BRD4: variants seen among roughly 807,000 people sequenced by gnomAD.
The protein encoded by BRD4 is bromodomain-containing protein 4.
BRD4 carries 16 observed loss-of-function variants against 142.1 expected under a neutral mutation model. The observed-to-expected ratio is 0.11, with a 90% CI of 0.08 to 0.17. The LOEUF (loss-of-function observed/expected upper bound fraction) is 0.17. Ranked by LOEUF, BRD4 falls within the 10% of genes least tolerant of loss-of-function variation. The pLI, the probability that BRD4 is intolerant of heterozygous loss-of-function variation, is 1.00. For synonymous variants in BRD4, 833 were observed against 707.5 expected, an observed-to-expected ratio of 1.18 and a Z score of -2.82; for missense variants, 1,424 against 1,810.9, an observed-to-expected ratio of 0.79 and a Z score of 3.88.
At chr19:15,276,800 C>T (rs1218542262) in intron 1 of BRD4, among the ~76,000 whole-genome samples, 2 of 152,172 alleles carry the variant, frequency 1.3e-5, no homozygotes. Flanking sequence ...TGCCCTAGGA[C>T]TCAGCGGTTG....
At chr19:15,261,805 T>C (rs1196987974) in intron 7 of BRD4, among the ~76,000 whole-genome samples, 1 of 152,120 alleles carries the variant, frequency 6.6e-6, no homozygotes, top group African/African-American at 2.4e-5. Flanking sequence ...CCAGGCATGG[T>C]GGCACACGCT....
intron 7 of BRD4, among the ~76,000 whole-genome samples, chr19:15,261,747 C>G (rs2047473258): frequency 6.6e-6 from 1 of 152,094 alleles, no homozygotes; most frequent in African/African-American, 2.4e-5. Flanking sequence ...TTGAGACCAG[C>G]CTGGGCAATA....
rs1485308164 is a variant in BRD4 at position 15,264,308 on chromosome 19, C to A, written c.1212+96G>T. The A allele has an allele frequency of 8.1e-6, 12 of 1,475,336 alleles. No individual in the cohort carries two copies. In the African/African-American group the frequency reaches 1.5e-4, roughly 19 times the overall value. The allele number at this position is 1,475,336 out of a possible 1,614,324, so 91.4% of individuals were successfully genotyped here. The stretch of plus-strand genomic sequence containing the variant: ...AATCCACGCAGCCACCGTTCCAGGG[C>A]CTGGGCTTCCTCTTGGACTAAAAGG... On this transcript the variant is annotated intron_variant, in intron 6 of 19. Coordinates refer to ENST00000679869, the MANE Select transcript of BRD4 (RefSeq NM_001379291.1).
At chr19:15,248,348 G>A (rs1212842983) in intron 11 of BRD4, 1 of 215,650 alleles carries the variant, frequency 4.6e-6, no homozygotes, top group Non-Finnish European at 9.4e-6. Context: ...ACCAGTCAGA[G>A]GTGTCCATGG....
intron 1 of BRD4, among the ~76,000 whole-genome samples, chr19:15,328,227 T>C (rs909634414): frequency 2.0e-5 from 3 of 152,132 alleles, no homozygotes; most frequent in African/African-American, 7.2e-5. Context: ...TAGAGACAGA[T>C]TGGCCAATCA....
intron 2 of BRD4, among the ~76,000 whole-genome samples, chr19:15,272,558 C>T (rs1309372020): frequency 1.3e-5 from 2 of 152,192 alleles, no homozygotes; most frequent in Non-Finnish European, 2.9e-5. Context: ...TCCTTTCTCC[C>T]ACTGCTTCAA....
chr19:15,300,510 G>A (rs188984913), intron 1 of BRD4, among the ~76,000 whole-genome samples: 59 of 152,152 alleles, frequency 3.9e-4, no homozygotes, highest in Non-Finnish European at 6.9e-4. Flanking sequence ...AGCAGAGATC[G>A]TGCCACTGCA....
At chr19:15,274,587 C>T (rs1280655768) in intron 1 of BRD4, among the ~76,000 whole-genome samples, 1 of 152,244 alleles carries the variant, frequency 6.6e-6, no homozygotes, top group African/African-American at 2.4e-5. Context: ...CACAAGGACA[C>T]AGGCGGCCAG....
intron 1 of BRD4, among the ~76,000 whole-genome samples, chr19:15,276,614 T>G (rs1209335802): frequency 3.9e-5 from 6 of 152,160 alleles, no homozygotes; most frequent in Admixed American, 3.9e-4. Context: ...TATTTCACTT[T>G]TATCTTCCCA....
intron 1 of BRD4, among the ~76,000 whole-genome samples, chr19:15,275,138 C>T (rs1010255706): frequency 2.6e-5 from 4 of 152,134 alleles, no homozygotes; most frequent in Non-Finnish European, 5.9e-5. Flanking sequence ...GGGTTACAGG[C>T]GTGAGCCACC....
In BRD4 at chr19:15,255,473, T is replaced by C. The variant is rs778372098; in HGVS notation, c.1871A>G (p.Lys624Arg). ...EKRQLSLDINKLPGEKLGRVV... is the reference protein window; with the variant it reads ...EKRQLSLDINRLPGEKLGRVV... ...GCGGCCCAGCTTCTCGCCGGGGAGC[T>C]TGTTGATGTCCAAGCTGAGCTGCCG... Residue 624 changes from lysine to arginine, a missense_variant, in exon 10 of 20, where the codon AAG becomes AGG. Physicochemically the swap from Lys to Arg is conservative, Grantham distance 26. Coordinates refer to ENST00000679869, the MANE Select transcript of BRD4 (RefSeq NM_001379291.1). 6.2e-7 allele frequency: 1 copy of C among 1,614,070 alleles called. No homozygotes were observed. The highest frequency in any genetic ancestry group is 1.7e-5 in the Admixed American group (1 of 60,016).
At chr19:15,288,750 C>T (rs892619339) in intron 1 of BRD4, among the ~76,000 whole-genome samples, 1 of 152,154 alleles carries the variant, frequency 6.6e-6, no homozygotes, top group African/African-American at 2.4e-5. Flanking sequence ...CGGGTGCCTG[C>T]CCCTGCAGAT....
rs1179361132 is a variant in BRD4, at chr19:15,285,058, A to G, written c.-34-11925T>C. ...CCCTGCAGGCAGCAGCCACTCACAGAGCAGCCCTGGGTGCTGTGCCACAAG... is the reference window on the plus strand; with the variant it reads ...CCCTGCAGGCAGCAGCCACTCACAGGGCAGCCCTGGGTGCTGTGCCACAAG... On this transcript the variant is annotated intron_variant, in intron 1 of 19. Coordinates refer to ENST00000679869, the MANE Select transcript of BRD4 (RefSeq NM_001379291.1). Among the ~76,000 whole-genome samples, 6 of 152,312 alleles carry G rather than the reference A, an allele frequency of 3.9e-5. No individual in the cohort carries two copies. The East Asian group carries it at 1.2e-3, about 29-fold the overall frequency.
At chr19:15,280,755 G>A (rs2145646546) in intron 1 of BRD4, among the ~76,000 whole-genome samples, 1 of 152,254 alleles carries the variant, frequency 6.6e-6, no homozygotes, top group South Asian at 2.1e-4. Flanking sequence ...AGGTAGAGGA[G>A]GTCACCTCTC....
At chr19:15,257,698 C>T (rs1237816451) in intron 7 of BRD4, among the ~76,000 whole-genome samples, 2 of 152,184 alleles carry the variant, frequency 1.3e-5, no homozygotes, top group South Asian at 2.1e-4. Flanking sequence ...GTAGCAGACA[C>T]GGTTCTAAGT....
intron 1 of BRD4, among the ~76,000 whole-genome samples, chr19:15,273,960 G>C (rs1470881456): frequency 6.6e-6 from 1 of 151,946 alleles, no homozygotes; most frequent in Non-Finnish European, 1.5e-5. Context: ...ATTACTTTGT[G>C]TAATTTATTT....
At chr19:15,280,869 G>A (rs981738706) in intron 1 of BRD4, among the ~76,000 whole-genome samples, 2 of 152,170 alleles carry the variant, frequency 1.3e-5, no homozygotes, top group Non-Finnish European at 2.9e-5. Flanking sequence ...TAAAAACCTG[G>A]TAATTTCTCA....
intron 1 of BRD4, among the ~76,000 whole-genome samples, chr19:15,282,675 A>T (rs2047714018): frequency 6.6e-6 from 1 of 152,224 alleles, no homozygotes; most frequent in African/African-American, 2.4e-5. Context: ...CACAGTTAAG[A>T]GTGGCATTTT....
Position 15,283,343 on chromosome 19 carries a change from G to A in BRD4, c.-34-10210C>T, listed in dbSNP as rs187121611. On this transcript the variant is annotated intron_variant, in intron 1 of 19. Transcript: ENST00000679869. ...CTGGTGTCAATCAGAAAATTTCTCC[G>A]GATGACATCACACCGGTCTTCTGAA... Among the ~76,000 whole-genome samples, 18 of 152,048 alleles carry A rather than the reference G, an allele frequency of 1.2e-4. No homozygotes were observed. The East Asian group carries it at 2.7e-3, about 23-fold the overall frequency.
Sources: gnomAD v4.1 joint callset for allele counts (sites outside exome capture counted in the v4.1 genomes callset) on GRCh38, gnomAD v4.1.1 for gene constraint, MANE v1.5 for transcripts, NCBI Gene and HGNC (gene_info 2026-07-23, HGNC 2026-07-21) for gene names.